Variants in PXDNL observed in about 807,000 individuals in gnomAD.
PXDNL encodes the protein peroxidasin like, also known as probable oxidoreductase PXDNL.
PXDNL carries 145 observed loss-of-function variants against 150.8 expected under a neutral mutation model. The observed-to-expected ratio is 0.96, with a 90% CI of 0.84 to 1.10. PXDNL has a LOEUF of 1.10. Ranked by LOEUF, PXDNL falls within the 50% of genes least tolerant of loss-of-function variation. PXDNL has a pLI of 0.00. For missense variants in PXDNL, 2,087 were observed against 1,873.9 expected (o/e 1.11, Z -2.10); for synonymous variants, 757 against 725.7 (o/e 1.04, Z -0.69).
chr8:51,724,189 T>G lies in PXDNL; in HGVS notation c.165-69429A>C, dbSNP rs181986964. 5.1e-4 allele frequency among the ~76,000 whole-genome samples: 77 copies of G among 152,092 alleles called. 1 individual carries two copies. Among genetic ancestry groups the G allele is most frequent in the Admixed American group, 3.5e-3 (53 of 15,294 alleles). On this transcript the variant is annotated intron_variant, in intron 1 of 22. Transcript: ENST00000356297. ...CTCAGGAGAGAGTTTGGGGCTACAA[T>G]GGCTATTTGGGGAATCTCTGCAAGG...
At chr8:51,703,979 G>A (rs892619283) in intron 1 of PXDNL, among the ~76,000 whole-genome samples, 6 of 152,042 alleles carry the variant, frequency 3.9e-5, no homozygotes, top group East Asian at 1.9e-4. Context: ...AAGTCTTTCC[G>A]ACTTGGCAAA....
At chr8:51,399,397 T>A (rs538775316) in intron 17 of PXDNL, among the ~76,000 whole-genome samples, 1 of 152,154 alleles carries the variant, frequency 6.6e-6, no homozygotes, top group African/African-American at 2.4e-5. Context: ...CCACTCACAA[T>A]GAACAAAATA....
At chr8:51,391,789 T>G (rs1381559445) in intron 17 of PXDNL, among the ~76,000 whole-genome samples, 1 of 152,254 alleles carries the variant, frequency 6.6e-6, no homozygotes, top group East Asian at 1.9e-4. Flanking sequence ...TTGCTTTTGG[T>G]GTTTTAGACA....
chr8:51,705,630 A>T (rs1816360309), intron 1 of PXDNL, among the ~76,000 whole-genome samples: 1 of 152,212 alleles, frequency 6.6e-6, no homozygotes, highest in East Asian at 1.9e-4. Flanking sequence ...TGTAAGAAAT[A>T]ATATTTTCTG....
At position 51,577,229 on chromosome 8, in the gene PXDNL, T is replaced by C. The variant is rs2130611055; in HGVS notation, c.308+15398A>G. On this transcript the variant is annotated intron_variant, in intron 3 of 22. Transcript: ENST00000356297. ...AACATATCAATAACCCTCATGAATA[T>C]GGATACACAAATTGTCAAGAAAATA... Among the ~76,000 whole-genome samples the C allele has an allele frequency of 2.0e-5, 3 of 151,870 alleles. No homozygotes were observed. The East Asian group carries it at 5.8e-4, about 29-fold the overall frequency.
At chr8:51,506,200 T>A (rs1811282344) in intron 4 of PXDNL, among the ~76,000 whole-genome samples, 1 of 152,192 alleles carries the variant, frequency 6.6e-6, no homozygotes, top group Non-Finnish European at 1.5e-5. Flanking sequence ...AAAATCATAC[T>A]GCACAAGCTT....
At chr8:51,603,073 CT>C (rs1204826816) in intron 2 of PXDNL, among the ~76,000 whole-genome samples, 2 of 151,722 alleles carry the variant, frequency 1.3e-5, no homozygotes, top group Non-Finnish European at 2.9e-5. Context: ...ATAGTTTCCC[CT>C]GTGATATGCA....
At chr8:51,537,658 G>A (rs1350671574) in intron 4 of PXDNL, among the ~76,000 whole-genome samples, 1 of 152,188 alleles carries the variant, frequency 6.6e-6, no homozygotes, top group Non-Finnish European at 1.5e-5. Flanking sequence ...AAACCTTGAA[G>A]AGCCCCCAAA....
At chr8:51,614,803 TAA>T (rs35207574) in intron 2 of PXDNL, among the ~76,000 whole-genome samples, 12,281 of 152,132 alleles carry the variant, frequency 0.081, 611 homozygotes, top group African/African-American at 0.13. Flanking sequence ...GAAGTAAATA[TAA>T]GACTCCTCAG....
In PXDNL at chr8:51,538,766, CAAAT is replaced by C. The variant is rs1585562200; in HGVS notation, c.380+18070_380+18073del. On this transcript the variant is annotated intron_variant, in intron 4 of 22. Transcript: ENST00000356297. ...GGGCAACAAGAGCGAAACTCTATCT[CAAAT>C]AAATAAATAAATTAATTAATTAATC... Among the ~76,000 whole-genome samples the C allele has an allele frequency of 5.9e-5, 9 of 152,116 alleles. No individual in the cohort carries two copies. The East Asian group carries it at 1.2e-3, about 20-fold the overall frequency.
At chr8:51,611,210 TA>T (rs1439501526) in intron 2 of PXDNL, among the ~76,000 whole-genome samples, 1 of 152,194 alleles carries the variant, frequency 6.6e-6, no homozygotes, top group Non-Finnish European at 1.5e-5. Context: ...TAATATTTAA[TA>T]AAAACGTTAA....
chr8:51,790,502 T>C, intron 1 of PXDNL, among the ~76,000 whole-genome samples: 1 of 152,230 alleles, frequency 6.6e-6, no homozygotes, highest in East Asian at 1.9e-4. Context: ...GACGAGGTCC[T>C]GAGTTGCAAA....
At chr8:51,738,051 T>C (rs961188745) in intron 1 of PXDNL, among the ~76,000 whole-genome samples, 3 of 152,132 alleles carry the variant, frequency 2.0e-5, no homozygotes, top group African/African-American at 7.2e-5. Flanking sequence ...GAGTTCACAT[T>C]GAGTATTGGA....
chr8:51,803,254 G>C lies in PXDNL; in HGVS notation c.164+5927C>G, dbSNP rs533570676. Among the ~76,000 whole-genome samples, 4 of 152,242 alleles carry C rather than the reference G, an allele frequency of 2.6e-5. 1 individual carries two copies. Among genetic ancestry groups the C allele is most frequent in the African/African-American group, 9.6e-5 (4 of 41,546 alleles). On this transcript the variant is annotated intron_variant, in intron 1 of 22. Transcript: ENST00000356297. ...CTAGACAGGAAGCTCTCAGTTACTT[G>C]CTTATATCAATATCTCAGCGAGTAT...
chr8:51,466,036 GA>G (rs112190024), intron 8 of PXDNL, among the ~76,000 whole-genome samples: 9 of 148,058 alleles, frequency 6.1e-5, no homozygotes, highest in East Asian at 2.0e-4. Flanking sequence ...CACAGATTTA[GA>G]AAAAAAAAAC....
At chr8:51,377,439 C>T (rs111666407) in intron 17 of PXDNL, among the ~76,000 whole-genome samples, 1,676 of 152,288 alleles carry the variant, frequency 0.011, 27 homozygotes, top group African/African-American at 0.036. Context: ...CCTTTCAGCC[C>T]GCCGCCGCAC....
intron 13 of PXDNL, among the ~76,000 whole-genome samples, chr8:51,426,090 G>A (rs1333777569): frequency 1.3e-5 from 2 of 152,250 alleles, no homozygotes; most frequent in Admixed American, 6.5e-5. Flanking sequence ...ATCTGAGACC[G>A]ACCATTTTGT....
At chr8:51,361,731 G>A (rs1259754750) in intron 19 of PXDNL, among the ~76,000 whole-genome samples, 3 of 152,018 alleles carry the variant, frequency 2.0e-5, no homozygotes, top group African/African-American at 4.8e-5. Flanking sequence ...AGAGGCCAAG[G>A]CAGGTGGATT....
intron 21 of PXDNL, among the ~76,000 whole-genome samples, chr8:51,322,249 T>C (rs1805344664): frequency 6.6e-6 from 1 of 151,914 alleles, no homozygotes; most frequent in Non-Finnish European, 1.5e-5. Flanking sequence ...ATATGATATA[T>C]GGAAAAAAGC....
Sources: gnomAD v4.1 joint callset for allele counts (sites outside exome capture counted in the v4.1 genomes callset) on GRCh38, gnomAD v4.1.1 for gene constraint, MANE v1.5 for transcripts, NCBI Gene and HGNC (gene_info 2026-07-23, HGNC 2026-07-21) for gene names.